NEBL: variants seen among roughly 807,000 people sequenced by gnomAD.
NEBL encodes the protein LIM and SH3 protein 2.
A neutral mutation model predicts 140.2 loss-of-function variants in NEBL; 122 were observed. That is an observed-to-expected ratio of 0.87 (90% CI 0.75 to 1.01). NEBL has a LOEUF of 1.01. NEBL is among the 50% of genes least tolerant of loss of function. The probability of loss-of-function intolerance (pLI) is 0.00; values close to 1 mark genes in which losing one functional copy is unlikely to be tolerated. For missense variants in NEBL, 1,365 were observed against 1,231.3 expected (o/e 1.11, Z -1.62); for synonymous variants, 436 against 398.9 (o/e 1.09, Z -1.11).
chr10:21,240,907 T>TACACACACACATACAC (rs760194882), intron 3 of NEBL, among the ~76,000 whole-genome samples: 29 of 137,382 alleles, frequency 2.1e-4, no homozygotes, highest in Non-Finnish European at 2.9e-4. Flanking sequence ...CACGCACACA[T>TACACACACACATACAC]ACACACACAC....
intron 2 of NEBL, among the ~76,000 whole-genome samples, chr10:21,055,047 T>C (rs766282824): frequency 1.4e-4 from 22 of 152,178 alleles, no homozygotes; most frequent in Non-Finnish European, 2.8e-4. Flanking sequence ...AAGAAGAAAA[T>C]GTATCCAGTT....
chr10:21,216,971 G>T (rs1193570946), intron 3 of NEBL, among the ~76,000 whole-genome samples: 3 of 149,558 alleles, frequency 2.0e-5, no homozygotes, highest in Admixed American at 1.3e-4. Flanking sequence ...CTGGGAGACA[G>T]AGCAAGACTC....
intron 2 of NEBL, among the ~76,000 whole-genome samples, chr10:21,143,388 G>T (rs946625025): frequency 1.4e-5 from 2 of 138,548 alleles, no homozygotes; most frequent in African/African-American, 2.8e-5. Flanking sequence ...CGTGGAGGTT[G>T]CAGAGAGCTG....
At chr10:21,194,790 T>C (rs548445094) in intron 3 of NEBL, among the ~76,000 whole-genome samples, 250 of 152,274 alleles carry the variant, frequency 1.6e-3, no homozygotes, top group Non-Finnish European at 2.1e-3. Context: ...TTCAATCATT[T>C]GCTACCCCTC....
intron 7 of NEBL, among the ~76,000 whole-genome samples, chr10:20,863,701 A>G (rs189003897): frequency 2.6e-5 from 4 of 151,062 alleles, no homozygotes; most frequent in African/African-American, 9.9e-5. Context: ...CTGTTTTCCC[A>G]TAATAGTGGA....
chr10:21,113,444 T>C, intron 2 of NEBL: 1 of 411,716 alleles, frequency 2.4e-6, no homozygotes, highest in East Asian at 7.3e-5. Flanking sequence ...AAGAGTTGCT[T>C]CTGGATGACT....
chr10:21,070,212 T>C (rs1191317062), intron 2 of NEBL, among the ~76,000 whole-genome samples: 4 of 152,208 alleles, frequency 2.6e-5, no homozygotes, highest in African/African-American at 4.8e-5. Flanking sequence ...GGATTGTTAA[T>C]GCCCTTGAGT....
At chr10:21,244,808 C>T (rs1219455294) in intron 3 of NEBL, among the ~76,000 whole-genome samples, 1 of 149,820 alleles carries the variant, frequency 6.7e-6, no homozygotes. Flanking sequence ...TTTAGAAGTT[C>T]AAGTTCAGCC....
intron 3 of NEBL, among the ~76,000 whole-genome samples, chr10:21,210,134 C>A (rs1841893038): frequency 6.6e-6 from 1 of 152,204 alleles, no homozygotes; most frequent in Middle Eastern, 3.4e-3. Context: ...GCTCACACCT[C>A]TAATCCCAGC....
chr10:21,196,112 T>TCCTGC (rs1211870939), intron 3 of NEBL, among the ~76,000 whole-genome samples: 1 of 152,098 alleles, frequency 6.6e-6, no homozygotes, highest in African/African-American at 2.4e-5. Context: ...CAAGTGATTC[T>TCCTGC]CCTGCCTCAG....
At chr10:21,278,261 A>G (rs12252084) in intron 1 of NEBL, among the ~76,000 whole-genome samples, 16,296 of 152,156 alleles carry the variant, frequency 0.11, 1,010 homozygotes, top group South Asian at 0.19. Context: ...GCCACACAGC[A>G]AGACGCCGTC....
intron 3 of NEBL, among the ~76,000 whole-genome samples, chr10:21,001,475 T>C (rs1837897023): frequency 6.6e-6 from 1 of 152,094 alleles, no homozygotes; most frequent in African/African-American, 2.4e-5. Flanking sequence ...AGCTATGGCA[T>C]TATCACAGAT....
chr10:20,858,773 T>C (rs1041530690), intron 8 of NEBL, among the ~76,000 whole-genome samples: 3 of 152,158 alleles, frequency 2.0e-5, no homozygotes, highest in Non-Finnish European at 4.4e-5. Context: ...ATACCAGTAA[T>C]AATAAACCAT....
intron 8 of NEBL, 127 bp from the exon 9 acceptor site, chr10:20,858,471 G>T (rs1843323534): frequency 1.3e-6 from 1 of 790,100 alleles, no homozygotes; most frequent in South Asian, 1.5e-5. Flanking sequence ...AATTTACAAG[G>T]AGCCACTAGA....
chr10:21,028,539 C>G (rs549218817), intron 2 of NEBL, among the ~76,000 whole-genome samples: 1 of 152,014 alleles, frequency 6.6e-6, no homozygotes, highest in East Asian at 1.9e-4. Context: ...AAAGACAAAG[C>G]TAAAATACTG....
rs766147686 is a variant in NEBL, at chr10:20,822,327, AAT to A, written c.1962+879_1962+880del. ...TGTCACTTGTTTTGTTTTGTAGACTAATATATATATATGTTATCTATCTATCT... is the reference window on the plus strand; with the variant it reads ...TGTCACTTGTTTTGTTTTGTAGACTAATATATATATGTTATCTATCTATCT... On this transcript the variant is annotated intron_variant, in intron 19 of 27. Coordinates refer to ENST00000377122, the MANE Select transcript of NEBL (RefSeq NM_006393.3). Among the ~76,000 whole-genome samples, 9 of 151,644 alleles carry A rather than the reference AAT, an allele frequency of 5.9e-5. No homozygotes were observed. In the South Asian group the frequency reaches 8.4e-4, roughly 14 times the overall value.
At chr10:21,265,605 A>T (rs1046953613) in intron 1 of NEBL, among the ~76,000 whole-genome samples, 27 of 152,240 alleles carry the variant, frequency 1.8e-4, no homozygotes, top group African/African-American at 5.1e-4. Flanking sequence ...GTGAAACAGG[A>T]AAGGGAAGAA....
rs545071198 is a variant in NEBL, at chr10:20,891,822, T to G, written c.154-1873A>C. On this transcript the variant is annotated intron_variant, in intron 2 of 27. Transcript: ENST00000377122. ...TTGTTAGAAGTCACACACAATCATG[T>G]GTGATTTCAAGTGAATTGTGCAATA... Among the ~76,000 whole-genome samples, 10 of 152,264 alleles carry G rather than the reference T, an allele frequency of 6.6e-5. No homozygotes were observed. In the East Asian group the frequency reaches 1.9e-3, roughly 29 times the overall value.
At chr10:21,229,942 G>T (rs529119906) in intron 3 of NEBL, among the ~76,000 whole-genome samples, 1 of 152,296 alleles carries the variant, frequency 6.6e-6, no homozygotes, top group African/African-American at 2.4e-5. Context: ...GCCTAGCTCG[G>T]TGCCCTGCAT....
Sources: gnomAD v4.1 joint callset for allele counts (sites outside exome capture counted in the v4.1 genomes callset) on GRCh38, gnomAD v4.1.1 for gene constraint, MANE v1.5 for transcripts, NCBI Gene and HGNC (gene_info 2026-07-23, HGNC 2026-07-21) for gene names.